Variants in NAT16 observed in about 807,000 individuals in gnomAD.
NAT16 encodes the protein probable N-acetyltransferase 16.
In NAT16, 16 loss-of-function variants were observed where a neutral mutation model predicts 15.9. The ratio of observed to expected loss-of-function variants is 1.01; its 90% CI spans 0.68 to 1.53. The LOEUF (loss-of-function observed/expected upper bound fraction) is 1.53, where lower values mean the gene tolerates loss of function less well. Among genes scored for constraint, NAT16 ranks in the 40% most tolerant of loss-of-function variants. The probability of loss-of-function intolerance (pLI) is 0.00; values close to 1 mark genes in which losing one functional copy is unlikely to be tolerated. For missense variants in NAT16, 572 were observed against 508.4 expected, an observed-to-expected ratio of 1.13 and a Z score of -1.20; for synonymous variants, 260 against 241.9, an observed-to-expected ratio of 1.07 and a Z score of -0.69.
Position 101,174,592 on chromosome 7 carries a change from G to T in NAT16, c.216C>A (p.Gly72=). The change falls in exon 2 of 4, where the codon GGC becomes GGA. Residue 72 remains glycine, a synonymous_variant. Transcript: ENST00000300303. ...EFEEVLAISG[G]IYGGLDYLPS... ...GAAGGTAGTCCAGGCCGCCGTAGATGCCCCCCGAGATGGCCAGCACTTCCT... is the reference window on the plus strand; with the variant it reads ...GAAGGTAGTCCAGGCCGCCGTAGATTCCCCCCGAGATGGCCAGCACTTCCT... 1.9e-6 allele frequency: 3 copies of T among 1,614,132 alleles called. No homozygotes were observed. The African/African-American group carries it at 4.0e-5, about 22-fold the overall frequency.
In NAT16 at chr7:101,173,355, T is replaced by G. The variant is rs1218229583; in HGVS notation, c.478A>C (p.Thr160Pro). 2.5e-6 allele frequency: 4 copies of G among 1,613,894 alleles called. No homozygotes were observed. The highest frequency in any genetic ancestry group is 3.4e-6 in the Non-Finnish European group (4 of 1,180,010). ...QHPGVKVARL[T>P]RDDQLGPREL... is the part of the protein sequence containing the mutation. ...CGGGGGCCCAGCTGGTCGTCCCGGG[T>G]GAGCCGTGCCACCTTGACCCCCGGG... The change falls in exon 3 of 4, where the codon ACC (threonine) becomes CCC (proline). Residue 160 changes from threonine (T) to proline (P), a missense_variant. Physicochemically the swap from Thr to Pro is conservative, Grantham distance 38. Transcript: ENST00000300303.
chr7:101,174,615 C>T lies in NAT16; in HGVS notation c.193G>A (p.Glu65Lys), dbSNP rs888719265. Residue 65 changes from glutamate (E) to lysine (K), a missense_variant, in exon 2 of 4, where the codon GAA (glutamate) becomes AAA (lysine). Physicochemically the swap from Glu to Lys is moderately conservative, Grantham distance 56. Coordinates refer to ENST00000300303, the MANE Select transcript of NAT16 (RefSeq NM_198571.3). ...ATGCCCCCCGAGATGGCCAGCACTT[C>T]CTCAAACTCCCGTTCCGTGGCCACC... Reference protein sequence around the residue: ...FVVATEREFEEVLAISGGIYG... With the variant: ...FVVATEREFEKVLAISGGIYG... 5.0e-6 allele frequency: 8 copies of T among 1,614,086 alleles called. No homozygotes were observed. The Admixed American group carries it at 1.0e-4, about 20-fold the overall frequency.
chr7:101,178,896 A>AAAAAAAAAAAAC (rs1797529641), intron 1 of NAT16, among the ~76,000 whole-genome samples: 1 of 115,656 alleles, frequency 8.6e-6, no homozygotes, highest in Non-Finnish European at 2.1e-5. Flanking sequence ...TGTCAAAAAA[A>AAAAAAAAAAAAC]AAAAAAAAAA....
intron 1 of NAT16, 118 bp from the exon 2 acceptor site, chr7:101,174,929 CT>C: frequency 8.3e-7 from 1 of 1,203,164 alleles, no homozygotes; most frequent in East Asian, 3.1e-5. Context: ...TTTTTCTTTT[CT>C]TTTATTTATT....
Position 101,172,618 on chromosome 7 carries a change from G to T in NAT16, c.571C>A (p.Leu191Met). The change falls in exon 4 of 4, where the codon CTG becomes ATG. Residue 191 changes from leucine (L) to methionine (M), a missense_variant. Physicochemically the swap from Leu to Met is conservative, Grantham distance 15. Transcript: ENST00000300303. This position sits in a 1 kb window ranked among gnomAD's most constrained non-coding sequence, Gnocchi z 4.2. The part of the protein sequence containing the change: ...ILLVRFNASA[L>M]LAGLGARLAA... ...AGCCGCGCGCCCAGCCCGGCCAGCAGCGCGGACGCGTTGAATCGGACCAAA... is the reference window on the plus strand; with the variant it reads ...AGCCGCGCGCCCAGCCCGGCCAGCATCGCGGACGCGTTGAATCGGACCAAA... The T allele has an allele frequency of 6.6e-7, 1 of 1,524,906 alleles. No homozygotes were observed. Among genetic ancestry groups the T allele is most frequent in the Admixed American group, 2.0e-5 (1 of 49,950 alleles). 94.5% of individuals were successfully genotyped at this position (1,524,906 alleles called of 1,614,324 possible).
At position 101,172,135 on chromosome 7, in the gene NAT16, C is replaced by G; in HGVS notation, c.1054G>C (p.Gly352Arg). 1 of 1,614,108 alleles carries G rather than the reference C, an allele frequency of 6.2e-7. No individual in the cohort carries two copies. Among genetic ancestry groups the G allele is most frequent in the Non-Finnish European group, 8.5e-7 (1 of 1,179,998 alleles). The stretch of plus-strand genomic sequence containing the variant: ...GTATAACCCTTCACCAGCTCCAGTC[C>G]CAGCCCGACCTGGCAGAAGTCAGCC... ...QLADFCQVGL[G>R]LELVKGYTEQ... Residue 352 changes from glycine (G) to arginine (R), a missense_variant, in exon 4 of 4, where the codon GGA becomes CGA. Gly to Arg is a moderately radical substitution (Grantham distance 125). Coordinates refer to ENST00000300303, the MANE Select transcript of NAT16 (RefSeq NM_198571.3). This position sits in a 1 kb window ranked among gnomAD's most constrained non-coding sequence, Gnocchi z 4.2.
rs888719265 is a variant in NAT16 at position 101,174,615 on chromosome 7, C to A, written c.193G>T (p.Glu65Ter). 6.2e-7 allele frequency: 1 copy of A among 1,614,086 alleles called. No individual in the cohort carries two copies. Among genetic ancestry groups the A allele is most frequent in the Admixed American group, 1.7e-5 (1 of 60,010 alleles). The part of the protein sequence containing the change: ...FVVATEREFE[E>*]VLAISGGIYG... ...ATGCCCCCCGAGATGGCCAGCACTT[C>A]CTCAAACTCCCGTTCCGTGGCCACC... The change falls in exon 2 of 4, where the codon GAA (glutamate) becomes TAA (stop). Residue 65 changes from glutamate (E) to a stop codon, truncating the protein, a stop_gained. Coordinates refer to ENST00000300303, the MANE Select transcript of NAT16 (RefSeq NM_198571.3). LOFTEE classifies it high-confidence loss of function.
In NAT16 at chr7:101,172,624, A is replaced by G; in HGVS notation, c.565T>C (p.Ser189Pro). ...GCGCCCAGCCCGGCCAGCAGCGCGG[A>G]CGCGTTGAATCGGACCAAAAGGATG... is the stretch of plus-strand genomic sequence containing the variant. ...QGILLVRFNASALLAGLGARL... is the reference protein window; with the variant it reads ...QGILLVRFNAPALLAGLGARL... The change falls in exon 4 of 4, where the codon TCC (serine) becomes CCC (proline). Residue 189 changes from serine to proline, a missense_variant. Ser to Pro is a moderately conservative substitution (Grantham distance 74). Coordinates refer to ENST00000300303, the MANE Select transcript of NAT16 (RefSeq NM_198571.3). The surrounding 1 kb of genome is among the most constrained non-coding windows in gnomAD (Gnocchi z 4.2). 1 of 1,523,912 alleles carries G rather than the reference A, an allele frequency of 6.6e-7. No homozygotes were observed. Among genetic ancestry groups the G allele is most frequent in the Non-Finnish European group, 8.7e-7 (1 of 1,144,068 alleles). 94.4% of individuals were successfully genotyped at this position (1,523,912 alleles called of 1,614,324 possible). A position where few individuals can be genotyped will look rare whatever the true frequency, so the allele number is the denominator to read the frequency against.
chr7:101,174,022 GC>G (rs1382757603), intron 2 of NAT16: 2 of 220,012 alleles, frequency 9.1e-6, no homozygotes, highest in Non-Finnish European at 1.8e-5. Flanking sequence ...TAGCCGACGC[GC>G]CCGGCCCCTT....
chr7:101,173,137 G>T (rs1161500775), intron 3 of NAT16, among the ~76,000 whole-genome samples, 159 bp downstream of exon 3: 1 of 152,092 alleles, frequency 6.6e-6, no homozygotes, highest in Non-Finnish European at 1.5e-5. Context: ...GGGTCAAAGG[G>T]TCTGGTAAGG....
Position 101,180,048 on chromosome 7 carries a change from G to C in NAT16, c.-11C>G, listed in dbSNP as rs1346670775. 1 of 153,542 alleles carries C rather than the reference G, an allele frequency of 6.5e-6. No individual in the cohort carries two copies. The highest frequency in any genetic ancestry group is 2.4e-5 in the African/African-American group (1 of 41,460). 9.5% of individuals were successfully genotyped at this position (153,542 alleles called of 1,614,324 possible). A position where few individuals can be genotyped will look rare whatever the true frequency, so the allele number is the denominator to read the frequency against. On this transcript the variant is annotated 5_prime_UTR_variant, in exon 1 of 4. Coordinates refer to ENST00000300303, the MANE Select transcript of NAT16 (RefSeq NM_198571.3). Reference sequence around the variant, plus strand: ...GGCCCGGCCGCCCCCCTACCTCGCCGGAGCCGGAGCTGGAGCCAGGGCCGA... The same window carrying C: ...GGCCCGGCCGCCCCCCTACCTCGCCCGAGCCGGAGCTGGAGCCAGGGCCGA...
chr7:101,174,866 G>T (rs1172079363), intron 1 of NAT16, 55 bp from the exon 2 acceptor site: 1 of 1,499,442 alleles, frequency 6.7e-7, no homozygotes, highest in African/African-American at 1.4e-5. Flanking sequence ...TTCCACATCT[G>T]GGCCCCTGCA....
At position 101,174,183 on chromosome 7, in the gene NAT16, C is replaced by A. The variant is rs113719490; in HGVS notation, c.312+313G>T. 2.0e-3 allele frequency: 907 copies of A among 463,430 alleles called. 5 individuals are homozygous for A. The highest frequency in any genetic ancestry group is 0.016 in the African/African-American group (807 of 50,328). 28.7% of individuals were successfully genotyped at this position (463,430 alleles called of 1,614,324 possible). ...AATCTAAGCTCTTCCTGCTCCCACC[C>A]CTAGCCTACCCTCTCTCTCCTGCTC... On this transcript the variant is annotated intron_variant, in intron 2 of 3. Transcript: ENST00000300303.
At position 101,178,474 on chromosome 7, in the gene NAT16, T is replaced by C. The variant is rs114661726; in HGVS notation, c.-5+1568A>G. The stretch of plus-strand genomic sequence containing the variant: ...AGCCTGGCTCCGTGGAACTCTTAAC[T>C]CTCATCAGATGTCTAGGCAGAGGCG... On this transcript the variant is annotated intron_variant, in intron 1 of 3. Transcript: ENST00000300303. Among the ~76,000 whole-genome samples, 708 of 151,976 alleles carry C rather than the reference T, an allele frequency of 4.7e-3. 6 individuals carry two copies. The highest frequency in any genetic ancestry group is 0.016 in the African/African-American group (674 of 41,448).
Position 101,172,648 on chromosome 7 carries a change from T to C in NAT16, c.541A>G (p.Ile181Val). ...KKYRLITKQG[I>V]LLVRFNASAL... ...GACGCGTTGAATCGGACCAAAAGGA[T>C]GCCCTGCGGGGGGCACGAGTGAGCG... The change falls in exon 4 of 4, where the codon ATC becomes GTC. Residue 181 changes from isoleucine (I) to valine (V), a missense_variant. Coordinates refer to ENST00000300303, the MANE Select transcript of NAT16 (RefSeq NM_198571.3). This position sits in a 1 kb window ranked among gnomAD's most constrained non-coding sequence, Gnocchi z 4.2. The C allele has an allele frequency of 2.0e-6, 3 of 1,506,948 alleles. No homozygotes were observed. The highest frequency in any genetic ancestry group is 2.6e-6 in the Non-Finnish European group (3 of 1,137,416). The allele number at this position is 1,506,948 out of a possible 1,614,324, so 93.3% of individuals were successfully genotyped here.
At chr7:101,178,594 C>T (rs1483544710) in intron 1 of NAT16, among the ~76,000 whole-genome samples, 6 of 150,854 alleles carry the variant, frequency 4.0e-5, no homozygotes, top group Non-Finnish European at 7.4e-5. Context: ...ATTTCTTGGC[C>T]GGGCGTGGTG....
At chr7:101,174,421 T>A in intron 2 of NAT16, 75 bp downstream of exon 2, 1 of 1,468,376 alleles carries the variant, frequency 6.8e-7, no homozygotes, top group Non-Finnish European at 9.0e-7. Context: ...GAAGCTCTCA[T>A]CCTCCTCTTC....
intron 1 of NAT16, among the ~76,000 whole-genome samples, chr7:101,176,660 T>C (rs910322607): frequency 1.2e-4 from 18 of 149,850 alleles, no homozygotes; most frequent in Non-Finnish European, 4.4e-5. Context: ...AAAAGTGTTC[T>C]GTCGGAGCTC....
intron 1 of NAT16, among the ~76,000 whole-genome samples, chr7:101,178,831 T>TGGTGAGCCGAGATCAC (rs1397956491): frequency 3.2e-5 from 4 of 126,430 alleles, no homozygotes; most frequent in African/African-American, 6.3e-5. Flanking sequence ...GCCGAGATTG[T>TGGTGAGCCGAGATCAC]GGTGAGCCGA....
Sources: allele counts gnomAD v4.1 joint callset (sites outside exome capture counted in the v4.1 genomes callset), GRCh38; gene constraint gnomAD v4.1.1; non-coding constraint Gnocchi (gnomAD v3.1); transcripts MANE v1.5; gene names NCBI Gene and HGNC (gene_info 2026-07-23, HGNC 2026-07-21).